Variants in HOXA4 observed in about 807,000 individuals in gnomAD.
HOXA4 encodes the protein homeobox A4.
In HOXA4, 31 loss-of-function variants were observed where a neutral mutation model predicts 25.3. The ratio of observed to expected loss-of-function variants is 1.22; its 90% CI spans 0.92 to 1.65. The LOEUF is 1.65. Among genes scored for constraint, HOXA4 ranks in the 40% most tolerant of loss-of-function variants. The pLI, the probability that HOXA4 is intolerant of heterozygous loss-of-function variation, is 0.00. For synonymous variants in HOXA4, 225 were observed against 207.7 expected, an observed-to-expected ratio of 1.08 and a Z score of -0.72; for missense variants, 459 against 446.0, an observed-to-expected ratio of 1.03 and a Z score of -0.26.
rs765974142 is a variant in HOXA4 at position 27,129,536 on chromosome 7, A to G, written c.652T>C (p.Ser218Pro). 156 of 1,613,792 alleles carry G rather than the reference A, an allele frequency of 9.7e-5. No individual in the cohort carries two copies. Among genetic ancestry groups the G allele is most frequent in the Non-Finnish European group, 1.3e-4 (148 of 1,180,014 alleles). ...TGCTGCCGGGTGTAGGCGGTTCGAGAGCGCTTAGGCTCCCCTCCGTTATAA... is the reference window on the plus strand; with the variant it reads ...TGCTGCCGGGTGTAGGCGGTTCGAGGGCGCTTAGGCTCCCCTCCGTTATAA... ...PSYNGGEPKR[S>P]RTAYTRQQVL... Residue 218 changes from serine (S) to proline (P), a missense_variant, in exon 2 of 2, where the codon TCT becomes CCT. Coordinates refer to ENST00000360046, the MANE Select transcript of HOXA4 (RefSeq NM_002141.5).
In HOXA4 at chr7:27,129,018, C is replaced by T; in HGVS notation, c.*207G>A. 1 of 617,568 alleles carries T rather than the reference C, an allele frequency of 1.6e-6. No homozygotes were observed. The highest frequency in any genetic ancestry group is 2.9e-6 in the Non-Finnish European group (1 of 346,144). The allele number at this position is 617,568 out of a possible 1,614,324, so 38.3% of individuals were successfully genotyped here. A position where few individuals can be genotyped will look rare whatever the true frequency, so the allele number is the denominator to read the frequency against. On this transcript the variant is annotated 3_prime_UTR_variant, in exon 2 of 2. Coordinates refer to ENST00000360046, the MANE Select transcript of HOXA4 (RefSeq NM_002141.5). ...GCCAGCAGGTTGTTCCACCAGCCAGCATCCTGGACAACTGTTCTCTCTTGG... is the reference window on the plus strand; with the variant it reads ...GCCAGCAGGTTGTTCCACCAGCCAGTATCCTGGACAACTGTTCTCTCTTGG...
In HOXA4 at chr7:27,130,456, T is replaced by A; in HGVS notation, c.278A>T (p.His93Leu). Residue 93 changes from histidine to leucine, a missense_variant, in exon 1 of 2, where the codon CAT (histidine) becomes CTT (leucine). His to Leu is a moderately conservative substitution (Grantham distance 99). Coordinates refer to ENST00000360046, the MANE Select transcript of HOXA4 (RefSeq NM_002141.5). ...GGGGTAGGCGGTGTCCGCGGCCCCA[T>A]GCGCGGGGTACAGCGCGGCAGCAGG... ...AYPAAALYPA[H>L]GAADTAYPYG... 1.6e-6 allele frequency: 2 copies of A among 1,224,834 alleles called. No homozygotes were observed. The highest frequency in any genetic ancestry group is 3.3e-5 in the South Asian group (1 of 30,290). 75.9% of individuals were successfully genotyped at this position (1,224,834 alleles called of 1,614,324 possible). A position where few individuals can be genotyped will look rare whatever the true frequency, so the allele number is the denominator to read the frequency against.
Position 27,130,666 on chromosome 7 carries a change from T to C in HOXA4, c.68A>G (p.Tyr23Cys). Residue 23 changes from tyrosine (Y) to cysteine (C), a missense_variant, in exon 1 of 2, where the codon TAC (tyrosine) becomes TGC (cysteine). Tyr to Cys is a radical substitution (Grantham distance 194). Transcript: ENST00000360046. The part of the protein sequence containing the change: ...IEPKFPPFEE[Y>C]AQHSGSGGAD... ...GCCGCCCGAGCCGCTGTGCTGCGCG[T>C]ACTCCTCGAAGGGAGGGAACTTGGG... is the stretch of plus-strand genomic sequence containing the variant. The C allele has an allele frequency of 6.2e-7, 1 of 1,606,856 alleles. No homozygotes were observed. Among genetic ancestry groups the C allele is most frequent in the East Asian group, 2.2e-5 (1 of 44,616 alleles).
rs368828818 is a variant in HOXA4 at position 27,129,195 on chromosome 7, G to A, written c.*30C>T. On this transcript the variant is annotated 3_prime_UTR_variant, in exon 2 of 2. Transcript: ENST00000360046. ...AGAAGAGAAGAGAAAAGCAGGTAAG[G>A]GATAGAAACTGGTTAAGATCTCTAG... The A allele has an allele frequency of 5.6e-5, 70 of 1,248,734 alleles. No homozygotes were observed. In the Middle Eastern group the frequency reaches 9.9e-4, roughly 18 times the overall value. 77.4% of individuals were successfully genotyped at this position (1,248,734 alleles called of 1,614,324 possible). A position where few individuals can be genotyped will look rare whatever the true frequency, so the allele number is the denominator to read the frequency against.
At position 27,129,147 on chromosome 7, in the gene HOXA4, G is replaced by A. The variant is rs1207165460; in HGVS notation, c.*78C>T. On this transcript the variant is annotated 3_prime_UTR_variant, in exon 2 of 2. Coordinates refer to ENST00000360046, the MANE Select transcript of HOXA4 (RefSeq NM_002141.5). Reference sequence around the variant, plus strand: ...TGTCTATTATGGTCCAGATGGGGAGGGGTGGATGAGGAACGGAGCAGGAGA... The same window carrying A: ...TGTCTATTATGGTCCAGATGGGGAGAGGTGGATGAGGAACGGAGCAGGAGA... 1.1e-6 allele frequency: 1 copy of A among 880,066 alleles called. No individual in the cohort carries two copies. Among genetic ancestry groups the A allele is most frequent in the African/African-American group, 1.6e-5 (1 of 60,808 alleles). 54.5% of individuals were successfully genotyped at this position (880,066 alleles called of 1,614,324 possible).
rs764670840 is a variant in HOXA4, at chr7:27,130,620, CCCGCCCGGGCCGCCGTCTGCG to C, written c.93_113del (p.Ala32_Gly38del). On this transcript the variant is annotated inframe_deletion, in exon 1 of 2. Coordinates refer to ENST00000360046, the MANE Select transcript of HOXA4 (RefSeq NM_002141.5). ...CTGGGGGCTGCTGGTAGCCGGGGCC[CCCGCCCGGGCCGCCGTCTGCG>C]CCGCCCGAGCCGCTGTGCTGCGCGT... 5 of 1,560,272 alleles carry C rather than the reference CCCGCCCGGGCCGCCGTCTGCG, an allele frequency of 3.2e-6. No individual in the cohort carries two copies. In the South Asian group the frequency reaches 5.8e-5, roughly 18 times the overall value.
chr7:27,130,687 T>C lies in HOXA4; in HGVS notation c.47A>G (p.Lys16Arg), dbSNP rs1785516811. The C allele has an allele frequency of 6.2e-7, 1 of 1,608,676 alleles. No homozygotes were observed. The highest frequency in any genetic ancestry group is 8.5e-7 in the Non-Finnish European group (1 of 1,177,390). Reference sequence around the variant, plus strand: ...CGCGTACTCCTCGAAGGGAGGGAACTTGGGCTCGATGTAGTTGGAGTTTAT... The same window carrying C: ...CGCGTACTCCTCGAAGGGAGGGAACCTGGGCTCGATGTAGTTGGAGTTTAT... Reference protein sequence around the residue: ...FLINSNYIEPKFPPFEEYAQH... With the variant: ...FLINSNYIEPRFPPFEEYAQH... Residue 16 changes from lysine to arginine, a missense_variant, in exon 1 of 2, where the codon AAG (lysine) becomes AGG (arginine). Physicochemically the swap from Lys to Arg is conservative, Grantham distance 26. Coordinates refer to ENST00000360046, the MANE Select transcript of HOXA4 (RefSeq NM_002141.5).
At position 27,128,894 on chromosome 7, in the gene HOXA4, T is replaced by C; in HGVS notation, c.*331A>G. The C allele has an allele frequency of 2.8e-6, 1 of 360,972 alleles. No homozygotes were observed. Among genetic ancestry groups the C allele is most frequent in the Non-Finnish European group, 5.2e-6 (1 of 193,624 alleles). 22.4% of individuals were successfully genotyped at this position (360,972 alleles called of 1,614,324 possible). ...CAAAGATGCAAGTGTATGTCCCCACTCAGCATGGGCTGTCCAGCTAGCTGA... is the reference window on the plus strand; with the variant it reads ...CAAAGATGCAAGTGTATGTCCCCACCCAGCATGGGCTGTCCAGCTAGCTGA... On this transcript the variant is annotated 3_prime_UTR_variant, in exon 2 of 2. Transcript: ENST00000360046.
Position 27,130,194 on chromosome 7 carries a change from G to T in HOXA4, c.540C>A (p.Ala180=), listed in dbSNP as rs1785466146. Residue 180 remains alanine, a synonymous_variant, in exon 1 of 2, where the codon GCC becomes GCA. Coordinates refer to ENST00000360046, the MANE Select transcript of HOXA4 (RefSeq NM_002141.5). ...CCTTCAGGCCCAGCGGGCTCTTGTC[G>T]GCCAAGAGCAGCGGGCACGCGGGGG... The part of the protein sequence containing the change: ...GSAPACPLLL[A]DKSPLGLKGK... The T allele has an allele frequency of 6.3e-7, 1 of 1,575,844 alleles. No homozygotes were observed. The highest frequency in any genetic ancestry group is 8.6e-7 in the Non-Finnish European group (1 of 1,166,500).
Position 27,129,605 on chromosome 7 carries a change from G to A in HOXA4, c.617-34C>T, listed in dbSNP as rs751532098. 17 of 1,605,874 alleles carry A rather than the reference G, an allele frequency of 1.1e-5. No homozygotes were observed. The South Asian group carries it at 1.9e-4, about 18-fold the overall frequency. On this transcript the variant is annotated intron_variant, in intron 1 of 1. Transcript: ENST00000360046. ...CCAGAACCCCGAAATAGAAGGCCAA[G>A]GAGGAGGGAGCGGAAGAGAGGGAAA...
chr7:27,130,039 C>G, intron 1 of HOXA4, 79 bp downstream of exon 1: 1 of 1,474,558 alleles, frequency 6.8e-7, no homozygotes, highest in Non-Finnish European at 9.1e-7. Context: ...TCCCCTGAGC[C>G]TCTCCCTCCT....
rs1785483044 is a variant in HOXA4, at chr7:27,130,381, T to G, written c.353A>C (p.Gln118Pro). Residue 118 changes from glutamine to proline, a missense_variant, in exon 1 of 2, where the codon CAG becomes CCG. Physicochemically the swap from Gln to Pro is moderately conservative, Grantham distance 76. Coordinates refer to ENST00000360046, the MANE Select transcript of HOXA4 (RefSeq NM_002141.5). ...TGGGCCCTTGGCTTGCGCCGGGGGC[T>G]GCTCGGGCTGGGGCGGCCGCCCGGG... is the stretch of plus-strand genomic sequence containing the variant. ...ASPGRPPQPE[Q>P]PPAQAKGPAH... 8.7e-7 allele frequency: 1 copy of G among 1,150,010 alleles called. No individual in the cohort carries two copies. The highest frequency in any genetic ancestry group is 4.2e-5 in the South Asian group (1 of 23,734). The allele number at this position is 1,150,010 out of a possible 1,614,324, so 71.2% of individuals were successfully genotyped here. A position where few individuals can be genotyped will look rare whatever the true frequency, so the allele number is the denominator to read the frequency against.
Position 27,128,965 on chromosome 7 carries a change from G to A in HOXA4, c.*260C>T, listed in dbSNP as rs749609982. 4.0e-5 allele frequency: 22 copies of A among 551,074 alleles called. No individual in the cohort carries two copies. Among genetic ancestry groups the A allele is most frequent in the Non-Finnish European group, 6.8e-5 (21 of 306,972 alleles). The allele number at this position is 551,074 out of a possible 1,614,324, so 34.1% of individuals were successfully genotyped here. Reference sequence around the variant, plus strand: ...TTTGATACCAAGTAGTCCTTCTCAGGTATCCACACCTGGCAGCCTTGTTTC... The same window carrying A: ...TTTGATACCAAGTAGTCCTTCTCAGATATCCACACCTGGCAGCCTTGTTTC... On this transcript the variant is annotated 3_prime_UTR_variant, in exon 2 of 2. Transcript: ENST00000360046.
chr7:27,130,583 G>A lies in HOXA4; in HGVS notation c.151C>T (p.Gln51Ter). ...TGGGGCTGCTGCAGCGGCAGGTGCTGGGTCGGGGGCGCTGGGGGCTGCTGG... is the reference window on the plus strand; with the variant it reads ...TGGGGCTGCTGCAGCGGCAGGTGCTAGGTCGGGGGCGCTGGGGGCTGCTGG... ...GYQQPPAPPT[Q>*]HLPLQQPQLP... The change falls in exon 1 of 2, where the codon CAG (glutamine) becomes TAG (stop). Residue 51 changes from glutamine to a stop codon, truncating the protein, a stop_gained. Coordinates refer to ENST00000360046, the MANE Select transcript of HOXA4 (RefSeq NM_002141.5). LOFTEE classifies it high-confidence loss of function. 6.6e-7 allele frequency: 1 copy of A among 1,508,014 alleles called. No individual in the cohort carries two copies. Among genetic ancestry groups the A allele is most frequent in the Non-Finnish European group, 8.9e-7 (1 of 1,126,726 alleles). The allele number at this position is 1,508,014 out of a possible 1,614,324, so 93.4% of individuals were successfully genotyped here.
At position 27,129,285 on chromosome 7, in the gene HOXA4, G is replaced by A. The variant is rs1215667313; in HGVS notation, c.903C>T (p.Ser301=). 3.1e-6 allele frequency: 5 copies of A among 1,613,834 alleles called. No homozygotes were observed. Among genetic ancestry groups the A allele is most frequent in the Non-Finnish European group, 3.4e-6 (4 of 1,179,912 alleles). The change falls in exon 2 of 2, where the codon AGC becomes AGT. Residue 301 remains serine, a synonymous_variant. Transcript: ENST00000360046. Reference sequence around the variant, plus strand: ...GGTGGGGGTGGGGATGGAGGTGTGGGCTCTGAGTTTGTGCTTTCCCTGGTG... The same window carrying A: ...GGTGGGGGTGGGGATGGAGGTGTGGACTCTGAGTTTGTGCTTTCCCTGGTG... ...AGPPGKAQTQ[S]PHLHPHPHPS...
In HOXA4 at chr7:27,130,509, C is replaced by T. The variant is rs1467810835; in HGVS notation, c.225G>A (p.Ala75=). The change falls in exon 1 of 2, where the codon GCG becomes GCA. Residue 75 remains alanine, a synonymous_variant. Transcript: ENST00000360046. ...AGGCGGGCTCGCGGGCGGTCCGCGGCGCGTAGTAGGAGGCAGTGGGCTCTC... is the reference window on the plus strand; with the variant it reads ...AGGCGGGCTCGCGGGCGGTCCGCGGTGCGTAGTAGGAGGCAGTGGGCTCTC... ...GGREPTASYY[A]PRTAREPAYP... 7.7e-7 allele frequency: 1 copy of T among 1,305,610 alleles called. No individual in the cohort carries two copies. Among genetic ancestry groups the T allele is most frequent in the South Asian group, 2.3e-5 (1 of 42,718 alleles). 80.9% of individuals were successfully genotyped at this position (1,305,610 alleles called of 1,614,324 possible).
Position 27,129,045 on chromosome 7 carries a change from T to A in HOXA4, c.*180A>T. On this transcript the variant is annotated 3_prime_UTR_variant, in exon 2 of 2. Coordinates refer to ENST00000360046, the MANE Select transcript of HOXA4 (RefSeq NM_002141.5). ...TCCTGGACAACTGTTCTCTCTTGGG[T>A]GGCAACCAGCACAGACTCTTAACCG... 1.5e-6 allele frequency: 1 copy of A among 658,414 alleles called. No homozygotes were observed. 40.8% of individuals were successfully genotyped at this position (658,414 alleles called of 1,614,324 possible).
chr7:27,128,986 G>A lies in HOXA4; in HGVS notation c.*239C>T. On this transcript the variant is annotated 3_prime_UTR_variant, in exon 2 of 2. Coordinates refer to ENST00000360046, the MANE Select transcript of HOXA4 (RefSeq NM_002141.5). ...TCAGGTATCCACACCTGGCAGCCTT[G>A]TTTCGGGCCAGCAGGTTGTTCCACC... 1 of 580,210 alleles carries A rather than the reference G, an allele frequency of 1.7e-6. No individual in the cohort carries two copies. The highest frequency in any genetic ancestry group is 2.9e-5 in the East Asian group (1 of 34,484). 35.9% of individuals were successfully genotyped at this position (580,210 alleles called of 1,614,324 possible). A position where few individuals can be genotyped will look rare whatever the true frequency, so the allele number is the denominator to read the frequency against.
At chr7:27,130,018 C>G (rs983956604) in intron 1 of HOXA4, 100 bp downstream of exon 1, 1 of 1,361,978 alleles carries the variant, frequency 7.3e-7, no homozygotes, top group Non-Finnish European at 1.0e-6. Flanking sequence ...GCTCCCCTCC[C>G]GAGGCCCCCT....
Sources: allele counts gnomAD v4.1 joint callset, GRCh38; gene constraint gnomAD v4.1.1; transcripts MANE v1.5; gene names NCBI Gene and HGNC (gene_info 2026-07-23, HGNC 2026-07-21).